The following CHRM3 variants were observed in gnomAD, a reference collection of about 807,000 sequenced individuals.
The protein encoded by CHRM3 is muscarinic acetylcholine receptor M3.
CHRM3 carries 11 observed loss-of-function variants against 41.8 expected under a neutral mutation model. The observed-to-expected ratio is 0.26, with a 90% CI of 0.17 to 0.44. CHRM3 has a LOEUF of 0.44. Among genes scored for constraint, CHRM3 ranks in the 20% least tolerant of loss-of-function variants. CHRM3 has a pLI of 1.00. For missense variants in CHRM3, 571 were observed against 745.4 expected (o/e 0.77, Z 2.72); for synonymous variants, 297 against 301.4 (o/e 0.99, Z 0.15).
At chr1:239,700,141 C>A (rs781665042) in intron 5 of CHRM3, among the ~76,000 whole-genome samples, 7 of 152,076 alleles carry the variant, frequency 4.6e-5, no homozygotes, top group Non-Finnish European at 8.8e-5. Context: ...AACTACTGGA[C>A]TCTTTGCTCA....
chr1:239,750,814 G>A (rs1665747024), intron 5 of CHRM3, among the ~76,000 whole-genome samples: 1 of 152,074 alleles, frequency 6.6e-6, no homozygotes. Flanking sequence ...TGGTTGGTAG[G>A]GCTGCCCAAT....
Position 239,548,607 on chromosome 1 carries a change from C to A in CHRM3, c.-313+2858C>A, listed in dbSNP as rs377139812. ...AGGACAGTAGTGGTTATGGGGGAAG[C>A]TTTTGGGCATAAAGGCTTTGAGGGT... is the stretch of plus-strand genomic sequence containing the variant. On this transcript the variant is annotated intron_variant, in intron 3 of 6. Coordinates refer to ENST00000676153, the MANE Select transcript of CHRM3 (RefSeq NM_001375978.1). Among the ~76,000 whole-genome samples the A allele has an allele frequency of 3.9e-5, 6 of 152,272 alleles. No individual in the cohort carries two copies. The East Asian group carries it at 7.7e-4, about 20-fold the overall frequency.
intron 1 of CHRM3, among the ~76,000 whole-genome samples, chr1:239,396,437 A>T (rs897816080): frequency 6.6e-6 from 1 of 151,986 alleles, no homozygotes; most frequent in Non-Finnish European, 1.5e-5. Flanking sequence ...TTAGCAAAAA[A>T]AATCTCTACA....
chr1:239,667,813 C>T (rs549725803), intron 4 of CHRM3, among the ~76,000 whole-genome samples: 106 of 152,192 alleles, frequency 7.0e-4, no homozygotes, highest in Non-Finnish European at 1.3e-3. Context: ...CACAAATCAC[C>T]TTTCTCTGTC....
chr1:239,778,269 A>G (rs1428682934), intron 5 of CHRM3, among the ~76,000 whole-genome samples: 2 of 152,230 alleles, frequency 1.3e-5, no homozygotes, highest in Non-Finnish European at 2.9e-5. Flanking sequence ...CAAATTATGC[A>G]AACCATCTTT....
chr1:239,838,842 T>G (rs1318796872), intron 6 of CHRM3, among the ~76,000 whole-genome samples: 1 of 152,216 alleles, frequency 6.6e-6, no homozygotes, highest in Non-Finnish European at 1.5e-5. Flanking sequence ...AAATTTAAAG[T>G]GTTTCTCTGG....
chr1:239,848,361 A>C (rs755498091), intron 6 of CHRM3, among the ~76,000 whole-genome samples: 2 of 152,186 alleles, frequency 1.3e-5, no homozygotes, highest in African/African-American at 4.8e-5. Context: ...CTAACCCACA[A>C]CAAATTACAA....
At position 239,443,511 on chromosome 1, in the gene CHRM3, C is replaced by T. The variant is rs77237673; in HGVS notation, c.-520-49198C>T. Among the ~76,000 whole-genome samples the T allele has an allele frequency of 9.9e-3, 1,501 of 152,268 alleles. 12 individuals carry two copies. Among genetic ancestry groups the T allele is most frequent in the African/African-American group, 0.034 (1,425 of 41,558 alleles). On this transcript the variant is annotated intron_variant, in intron 1 of 6. Coordinates refer to ENST00000676153, the MANE Select transcript of CHRM3 (RefSeq NM_001375978.1). ...AATGAAGTTGAAACTGCAGAGATCA[C>T]ATCAAAGTGTCTGTGAAGAAAAACT...
intron 1 of CHRM3, among the ~76,000 whole-genome samples, chr1:239,440,328 AAAG>A (rs1286875567): frequency 6.6e-6 from 1 of 152,080 alleles, no homozygotes; most frequent in Non-Finnish European, 1.5e-5. Context: ...AAATGTGAGA[AAAG>A]AAGTCAAGAG....
chr1:239,741,398 A>G (rs988436366), intron 5 of CHRM3, among the ~76,000 whole-genome samples: 1 of 152,136 alleles, frequency 6.6e-6, no homozygotes, highest in Admixed American at 6.5e-5. Context: ...TAGGGTGGAC[A>G]TTTCTCACAT....
At chr1:239,840,106 C>T (rs1367161103) in intron 6 of CHRM3, among the ~76,000 whole-genome samples, 1 of 152,224 alleles carries the variant, frequency 6.6e-6, no homozygotes, top group Non-Finnish European at 1.5e-5. Flanking sequence ...CACTCAATCT[C>T]ACTCTTCCCC....
At chr1:239,720,150 G>A (rs974625887) in intron 5 of CHRM3, 2 of 151,970 alleles carry the variant, frequency 1.3e-5, no homozygotes, top group Admixed American at 6.6e-5. Flanking sequence ...ATGGTTGAGA[G>A]GAAAGGATTT....
intron 3 of CHRM3, among the ~76,000 whole-genome samples, chr1:239,616,212 G>GA (rs1667615186): frequency 6.6e-6 from 1 of 152,134 alleles, no homozygotes; most frequent in Admixed American, 6.5e-5. Context: ...AAATTCGTGT[G>GA]GTTAAACCTA....
At chr1:239,502,628 C>G (rs910894652) in intron 2 of CHRM3, among the ~76,000 whole-genome samples, 1 of 152,004 alleles carries the variant, frequency 6.6e-6, no homozygotes, top group African/African-American at 2.4e-5. Flanking sequence ...AAGGACATAA[C>G]CAAAAAAGAA....
chr1:239,442,253 C>A (rs999113612), intron 1 of CHRM3, among the ~76,000 whole-genome samples: 3 of 151,856 alleles, frequency 2.0e-5, no homozygotes, highest in African/African-American at 7.3e-5. Context: ...ATTACAGGCA[C>A]CTGTCACCAC....
intron 6 of CHRM3, among the ~76,000 whole-genome samples, chr1:239,849,455 A>C (rs1359067106): frequency 6.6e-6 from 1 of 152,232 alleles, no homozygotes; most frequent in African/African-American, 2.4e-5. Context: ...TGTTGACTTC[A>C]TCTCTTTGAA....
At chr1:239,708,865 C>CATGATT (rs1262716296) in intron 5 of CHRM3, among the ~76,000 whole-genome samples, 1 of 147,462 alleles carries the variant, frequency 6.8e-6, no homozygotes, top group Admixed American at 6.9e-5. Flanking sequence ...TCTCAGTCAC[C>CATGATT]ATGATTCAAA....
chr1:239,580,258 TCACACACACACACACACACACACACA>T (rs374479816), intron 3 of CHRM3, among the ~76,000 whole-genome samples: 3 of 132,662 alleles, frequency 2.3e-5, no homozygotes, highest in Non-Finnish European at 3.2e-5. Context: ...ATACACACTG[TCACACACACACACACACACACACACA>T]CACACACACA....
intron 5 of CHRM3, among the ~76,000 whole-genome samples, chr1:239,742,744 T>G (rs571742517): frequency 6.6e-6 from 1 of 152,180 alleles, no homozygotes; most frequent in Non-Finnish European, 1.5e-5. Flanking sequence ...AAGATGCAAA[T>G]AAGAGAAATA....
Sources: gnomAD v4.1 joint callset for allele counts (sites outside exome capture counted in the v4.1 genomes callset) on GRCh38, gnomAD v4.1.1 for gene constraint, MANE v1.5 for transcripts, NCBI Gene and HGNC (gene_info 2026-07-23, HGNC 2026-07-21) for gene names.